Variants in CRTC3 observed in about 807,000 individuals in gnomAD.
The protein encoded by CRTC3 is CREB regulated transcription coactivator 3.
A neutral mutation model predicts 74.5 loss-of-function variants in CRTC3; 26 were observed. The ratio of observed to expected loss-of-function variants is 0.35; its 90% CI spans 0.26 to 0.48. CRTC3 has a LOEUF of 0.48. Among genes scored for constraint, CRTC3 ranks in the 20% least tolerant of loss-of-function variants. CRTC3 has a pLI of 0.99. For missense variants in CRTC3, 760 were observed against 787.3 expected (o/e 0.97, Z 0.41); for synonymous variants, 377 against 325.8 (o/e 1.16, Z -1.69).
chr15:90,542,327 C>T (rs867394690), intron 2 of CRTC3, among the ~76,000 whole-genome samples: 3 of 151,908 alleles, frequency 2.0e-5, no homozygotes, highest in Admixed American at 6.6e-5. Context: ...CATAGGCGTG[C>T]GTCACCACGC....
At chr15:90,640,043 T>C (rs186714094) in intron 13 of CRTC3, among the ~76,000 whole-genome samples, 1 of 152,008 alleles carries the variant, frequency 6.6e-6, no homozygotes, top group East Asian at 2.0e-4. Flanking sequence ...AGCAAGACTC[T>C]GTCTCAAAAT....
rs1318796956 is a variant in CRTC3, at chr15:90,607,453, G to T, written c.552G>T (p.Gln184His). The T allele has an allele frequency of 6.2e-7, 1 of 1,612,150 alleles. No individual in the cohort carries two copies. The highest frequency in any genetic ancestry group is 8.5e-7 in the Non-Finnish European group (1 of 1,178,620). The part of the protein sequence containing the change: ...KPQDPYGGGG[Q>H]SAWPAPYMGF... The stretch of plus-strand genomic sequence containing the variant: ...AGGACCCCTATGGAGGAGGGGGCCA[G>T]TCGGCCTGGCCTGCCCCATACATGG... Residue 184 changes from glutamine (Q) to histidine (H), a missense_variant, in exon 6 of 15, where the codon CAG (glutamine) becomes CAT (histidine). Gln to His is a conservative substitution (Grantham distance 24). This residue lies in a region of CRTC3 where 652 missense variants were observed against 635.2 expected (regional missense o/e 1.03). Transcript: ENST00000268184.
intron 4 of CRTC3, among the ~76,000 whole-genome samples, chr15:90,603,110 A>G (rs1006820391): frequency 4.6e-5 from 7 of 152,172 alleles, no homozygotes; most frequent in South Asian, 2.1e-4. Context: ...TTACCAGCAG[A>G]ATACTCAGAT....
At chr15:90,551,923 C>G (rs571717108) in intron 2 of CRTC3, among the ~76,000 whole-genome samples, 1 of 95,388 alleles carries the variant, frequency 1.0e-5, no homozygotes, top group East Asian at 2.4e-4. Context: ...CATTACATTA[C>G]ACACACGCAC....
chr15:90,569,052 G>C (rs1967194067), intron 2 of CRTC3, among the ~76,000 whole-genome samples: 1 of 151,584 alleles, frequency 6.6e-6, no homozygotes, highest in Non-Finnish European at 1.5e-5. Flanking sequence ...GAGTGCAGTG[G>C]TGCAATCATA....
At chr15:90,563,196 A>C (rs1967049792) in intron 2 of CRTC3, among the ~76,000 whole-genome samples, 2 of 152,282 alleles carry the variant, frequency 1.3e-5, no homozygotes, top group South Asian at 4.1e-4. Flanking sequence ...ACTTGAGGTC[A>C]GAAGTTTGAG....
chr15:90,632,786 G>GTAGA (rs1969087849), intron 11 of CRTC3, among the ~76,000 whole-genome samples: 1 of 152,152 alleles, frequency 6.6e-6, no homozygotes, highest in African/African-American at 2.4e-5. Flanking sequence ...TGTATTTTTA[G>GTAGA]TAGATACAGG....
At chr15:90,542,622 A>G (rs1966821763) in intron 2 of CRTC3, among the ~76,000 whole-genome samples, 1 of 152,212 alleles carries the variant, frequency 6.6e-6, no homozygotes, top group Non-Finnish European at 1.5e-5. Flanking sequence ...ATTAACAGTG[A>G]TCCATTATTA....
chr15:90,595,338 C>G (rs1400269636), intron 3 of CRTC3: 2 of 151,946 alleles, frequency 1.3e-5, no homozygotes, highest in African/African-American at 4.8e-5. Context: ...TTTGGGAGGC[C>G]GAGGTGGGCA....
At chr15:90,622,219 AT>A (rs1185092710) in intron 9 of CRTC3, among the ~76,000 whole-genome samples, 4 of 151,976 alleles carry the variant, frequency 2.6e-5, no homozygotes, top group African/African-American at 9.7e-5. Context: ...CGGGGGGCGC[AT>A]TACTTTCCTT....
In CRTC3 at chr15:90,607,887, T is replaced by G. The variant is rs144392096; in HGVS notation, c.577+409T>G. Among the ~76,000 whole-genome samples, 413 of 152,294 alleles carry G rather than the reference T, an allele frequency of 2.7e-3. 1 individual carries two copies. Among genetic ancestry groups the G allele is most frequent in the African/African-American group, 8.4e-3 (350 of 41,554 alleles). On this transcript the variant is annotated intron_variant, in intron 6 of 14. Coordinates refer to ENST00000268184, the MANE Select transcript of CRTC3 (RefSeq NM_022769.5). ...TAGAAGTGACAGTCAGAGCTAGATA[T>G]CACCTTTATTACTACTAAGACCAGG...
chr15:90,549,857 C>T (rs1966851470), intron 2 of CRTC3, among the ~76,000 whole-genome samples: 1 of 151,498 alleles, frequency 6.6e-6, no homozygotes, highest in South Asian at 2.1e-4. Context: ...CGCCTGCCAC[C>T]ATGCCCGGCT....
rs149808754 is a variant in CRTC3, at chr15:90,532,758, G to A, written c.132+2555G>A. 1.9e-4 allele frequency among the ~76,000 whole-genome samples: 29 copies of A among 152,340 alleles called. No individual in the cohort carries two copies. In the East Asian group the frequency reaches 5.6e-3, roughly 29 times the overall value. ...TTTGAGAAGGGAGTACTAGGAGGAG[G>A]AGTTGAGTGGTGGTACCTGGAATGG... On this transcript the variant is annotated intron_variant, in intron 1 of 14. Transcript: ENST00000268184.
At chr15:90,533,138 T>TCACGCCTG (rs1266877701) in intron 1 of CRTC3, among the ~76,000 whole-genome samples, 1 of 111,116 alleles carries the variant, frequency 9.0e-6, no homozygotes, top group African/African-American at 3.5e-5. Context: ...GCGCGGTGGG[T>TCACGCCTG]CACGCCTGTA....
chr15:90,641,988 G>A lies in CRTC3; in HGVS notation c.1708G>A (p.Glu570Lys). Residue 570 changes from glutamate (E) to lysine (K), a missense_variant, in exon 15 of 15, where the codon GAG becomes AAG. By Grantham distance (56) the Glu-to-Lys change is moderately conservative (BLOSUM62 1). Around this residue, in one of 2 missense-constraint regions of CRTC3, gnomAD observed 652 missense variants for 635.2 expected, o/e 1.03. Coordinates refer to ENST00000268184, the MANE Select transcript of CRTC3 (RefSeq NM_022769.5). ...CAACAGTGCGCTGGCAGGCCTGCCT[G>A]AGGTCAGCCTGAACGTGGACACTCC... ...DLNSALAGLPEVSLNVDTPFP... is the reference protein window; with the variant it reads ...DLNSALAGLPKVSLNVDTPFP... 6.2e-7 allele frequency: 1 copy of A among 1,613,852 alleles called. No individual in the cohort carries two copies. Among genetic ancestry groups the A allele is most frequent in the Non-Finnish European group, 8.5e-7 (1 of 1,179,984 alleles).
chr15:90,636,546 A>G (rs1344428402), intron 11 of CRTC3, among the ~76,000 whole-genome samples: 2 of 152,068 alleles, frequency 1.3e-5, no homozygotes, highest in Non-Finnish European at 2.9e-5. Context: ...CAAAAGCCAA[A>G]ATTAACAAAT....
At chr15:90,583,361 A>C (rs2151074105) in intron 2 of CRTC3, among the ~76,000 whole-genome samples, 1 of 152,328 alleles carries the variant, frequency 6.6e-6, no homozygotes, top group African/African-American at 2.4e-5. Flanking sequence ...AGGGCCACAG[A>C]CATGGTGATA....
At chr15:90,563,981 G>A (rs1967068586) in intron 2 of CRTC3, among the ~76,000 whole-genome samples, 1 of 151,862 alleles carries the variant, frequency 6.6e-6, no homozygotes, top group Non-Finnish European at 1.5e-5. Context: ...CTGAACTTTT[G>A]CTGTGCATCA....
At chr15:90,596,534 G>A (rs761385415) in intron 3 of CRTC3, 6 of 152,212 alleles carry the variant, frequency 3.9e-5, no homozygotes, top group African/African-American at 7.2e-5. Flanking sequence ...CATGAGCCAT[G>A]TCTCTGTGGT....
Sources: gnomAD v4.1 joint callset for allele counts (sites outside exome capture counted in the v4.1 genomes callset) on GRCh38, gnomAD v4.1.1 for gene constraint, gnomAD v4.1.1 regional missense constraint, MANE v1.5 for transcripts, NCBI Gene and HGNC (gene_info 2026-07-23, HGNC 2026-07-21) for gene names.